CES1: variants seen among roughly 807,000 people sequenced by gnomAD.
The protein encoded by CES1 is carboxylesterase 1.
A neutral mutation model predicts 53.0 loss-of-function variants in CES1; 50 were observed. The observed-to-expected ratio is 0.94, with a 90% confidence interval of 0.75 to 1.19. The LOEUF is 1.19. Ranked by LOEUF, CES1 falls within the 50% of genes most tolerant of loss-of-function variation. The probability of loss-of-function intolerance (pLI) is 0.00; values close to 1 mark genes in which losing one functional copy is unlikely to be tolerated. For synonymous variants in CES1, 202 were observed against 210.1 expected (o/e 0.96, Z 0.33); for missense variants, 534 against 538.0 (o/e 0.99, Z 0.07).
At chr16:55,829,658 A>G (rs1259220186) in intron 1 of CES1, among the ~76,000 whole-genome samples, 1 of 152,182 alleles carries the variant, frequency 6.6e-6, no homozygotes, top group Admixed American at 6.5e-5. Flanking sequence ...GTCTGGGGGG[A>G]GTGGAAAATA....
intron 9 of CES1, 87 bp downstream of exon 9, chr16:55,812,816 G>A: frequency 6.4e-7 from 1 of 1,572,950 alleles, no homozygotes; most frequent in Non-Finnish European, 8.7e-7. Flanking sequence ...TCAGAGTGCA[G>A]CTCGGAGAGG....
intron 2 of CES1, among the ~76,000 whole-genome samples, chr16:55,827,689 G>A (rs754145661): frequency 2.0e-5 from 3 of 152,108 alleles, no homozygotes; most frequent in Non-Finnish European, 2.9e-5. Flanking sequence ...ATTAATTATG[G>A]TTCAATACCC....
intron 9 of CES1, among the ~76,000 whole-genome samples, chr16:55,812,609 G>A (rs1488419066): frequency 6.6e-5 from 10 of 152,136 alleles, no homozygotes; most frequent in South Asian, 4.2e-4. Flanking sequence ...GGCCCCCTCC[G>A]TTTTCCCATC....
chr16:55,819,230 T>C (rs1471902972), intron 7 of CES1, among the ~76,000 whole-genome samples: 3 of 152,254 alleles, frequency 2.0e-5, no homozygotes, highest in Admixed American at 2.0e-4. Flanking sequence ...TTCAGGATGA[T>C]GGTGTCCCCT....
At position 55,829,786 on chromosome 16, in the gene CES1, G is replaced by A. The variant is rs376551645; in HGVS notation, c.53-812C>T. ...CGTTCCAGATAAAGGATGTGATCAG[G>A]TCAAGGAAGATTCTTCTGGTGGCCC... is the stretch of plus-strand genomic sequence containing the variant. On this transcript the variant is annotated intron_variant, in intron 1 of 13. Transcript: ENST00000360526. 1.7e-3 allele frequency among the ~76,000 whole-genome samples: 256 copies of A among 152,326 alleles called. 1 individual carries two copies. In the South Asian group the frequency reaches 0.049, roughly 29 times the overall value.
chr16:55,810,251 C>G (rs1475764400), intron 11 of CES1, among the ~76,000 whole-genome samples: 21 of 152,160 alleles, frequency 1.4e-4, no homozygotes, highest in African/African-American at 5.1e-4. Flanking sequence ...GATTCCATCT[C>G]TTTCCTCTCT....
chr16:55,816,834 A>G, intron 8 of CES1, 90 bp downstream of exon 8: 1 of 1,430,624 alleles, frequency 7.0e-7, no homozygotes, highest in Non-Finnish European at 9.9e-7. Context: ...TACTATAATT[A>G]CCCAAGAGAT....
chr16:55,816,881 G>A, intron 8 of CES1, 43 bp downstream of exon 8: 1 of 1,591,012 alleles, frequency 6.3e-7, no homozygotes, highest in Non-Finnish European at 8.6e-7. Context: ...GCTTAAAGGT[G>A]CTAAGACTCA....
chr16:55,818,076 A>G (rs1375266176), intron 7 of CES1, among the ~76,000 whole-genome samples: 2 of 152,354 alleles, frequency 1.3e-5, no homozygotes, highest in African/African-American at 4.8e-5. Context: ...TGGAAACACA[A>G]GCAGAGTCCA....
chr16:55,822,021 C>G, intron 4 of CES1, among the ~76,000 whole-genome samples: 1 of 152,222 alleles, frequency 6.6e-6, no homozygotes, highest in East Asian at 1.9e-4. Context: ...ACAATGAGCA[C>G]ATGAACCTTG....
chr16:55,809,588 G>A (rs1207754384), intron 11 of CES1, among the ~76,000 whole-genome samples: 2 of 152,184 alleles, frequency 1.3e-5, no homozygotes, highest in Non-Finnish European at 1.5e-5. Flanking sequence ...TTGGGTCAGT[G>A]GTAGCAGGTC....
intron 3 of CES1, among the ~76,000 whole-genome samples, chr16:55,825,927 G>C (rs763616786): frequency 6.6e-6 from 1 of 152,206 alleles, no homozygotes; most frequent in Admixed American, 6.5e-5. Context: ...GAACAATTAA[G>C]ATGTTCATTA....
chr16:55,817,650 G>A (rs1471601342), intron 7 of CES1, among the ~76,000 whole-genome samples: 3 of 149,348 alleles, frequency 2.0e-5, no homozygotes, highest in East Asian at 1.9e-4. Flanking sequence ...CTAGCCAGGA[G>A]TGTGTGTGTG....
chr16:55,817,332 A>G (rs553654871), intron 7 of CES1, among the ~76,000 whole-genome samples: 2 of 152,350 alleles, frequency 1.3e-5, no homozygotes, highest in Non-Finnish European at 2.9e-5. Context: ...TAGATTCTCA[A>G]TAATATCCTA....
intron 6 of CES1, 65 bp from the exon 7 acceptor site, chr16:55,819,704 A>G: frequency 7.3e-7 from 1 of 1,371,508 alleles, no homozygotes; most frequent in African/African-American, 1.4e-5. Flanking sequence ...CAAAGAGGAA[A>G]GTGGCATTCT....
At chr16:55,829,187 A>G (rs1238491214) in intron 1 of CES1, among the ~76,000 whole-genome samples, 3 of 152,194 alleles carry the variant, frequency 2.0e-5, no homozygotes, top group African/African-American at 7.2e-5. Flanking sequence ...GGAGGCATAA[A>G]AACATCCAGC....
intron 6 of CES1, chr16:55,819,977 T>C (rs2032105504): frequency 3.7e-6 from 2 of 543,614 alleles, no homozygotes; most frequent in Non-Finnish European, 6.7e-6. Context: ...TTTCAAATCC[T>C]GGTTGTTCCA....
chr16:55,809,813 C>G (rs1435427561), intron 11 of CES1, among the ~76,000 whole-genome samples: 1 of 152,240 alleles, frequency 6.6e-6, no homozygotes, highest in African/African-American at 2.4e-5. Context: ...TTGTTTGCAG[C>G]TGGCTCAGAC....
chr16:55,820,799 T>G (rs1475060051), intron 5 of CES1, among the ~76,000 whole-genome samples: 3 of 151,864 alleles, frequency 2.0e-5, no homozygotes, highest in African/African-American at 7.3e-5. Context: ...CCATCCCTCC[T>G]TCCTCTGCCT....
Sources: allele counts gnomAD v4.1 joint callset (sites outside exome capture counted in the v4.1 genomes callset), GRCh38; gene constraint gnomAD v4.1.1; transcripts MANE v1.5; gene names NCBI Gene and HGNC (gene_info 2026-07-23, HGNC 2026-07-21).